ERI1: variants seen among roughly 807,000 people sequenced by gnomAD.
ERI1 encodes the protein 3'-5' exoribonuclease 1.
Under a neutral mutation model 39.7 loss-of-function variants are expected in ERI1, and 39 were observed. That is an observed-to-expected ratio of 0.98 (90% confidence interval 0.76 to 1.28). ERI1 has a LOEUF of 1.28. Ranked by LOEUF, ERI1 falls within the 50% of genes most tolerant of loss-of-function variation. The probability of loss-of-function intolerance (pLI) is 0.00; values close to 1 mark genes in which losing one functional copy is unlikely to be tolerated. For synonymous variants in ERI1, 204 were observed against 149.6 expected (o/e 1.36, Z -2.65); for missense variants, 581 against 416.9 (o/e 1.39, Z -3.43).
intron 4 of ERI1, 98 bp downstream of exon 4, chr8:9,016,503 C>T (rs542085599): frequency 2.0e-6 from 1 of 493,950 alleles, no homozygotes; most frequent in South Asian, 4.5e-5. Context: ...CTGTTGTGAA[C>T]AATTTAATAC....
chr8:9,004,251 C>T (rs982925056), intron 1 of ERI1: 3 of 1,206,200 alleles, frequency 2.5e-6, no homozygotes, highest in South Asian at 3.0e-5. Context: ...ACCACTCTTC[C>T]ACCTGCCTCC....
downstream of ERI1, among the ~76,000 whole-genome samples, chr8:9,034,711 C>G (rs2921383): frequency 6.6e-6 from 1 of 151,932 alleles, no homozygotes; most frequent in Non-Finnish European, 1.5e-5. Flanking sequence ...TCTAAGTGTT[C>G]AGGTGAAAGG....
chr8:9,038,947 A>G (rs899088899), intron 3 of ERI1, among the ~76,000 whole-genome samples: 1 of 152,248 alleles, frequency 6.6e-6, no homozygotes, highest in African/African-American at 2.4e-5. Flanking sequence ...TTTCCGTGAC[A>G]AAAATCACAT....
chr8:9,063,401 G>A (rs1585274233), intron 3 of ERI1, among the ~76,000 whole-genome samples: 1 of 152,288 alleles, frequency 6.6e-6, no homozygotes, highest in Non-Finnish European at 1.5e-5. Flanking sequence ...GCAGGTGGGG[G>A]AGGGCTAGTC....
At chr8:9,085,153 G>T (rs1371170090) in intron 3 of ERI1, among the ~76,000 whole-genome samples, 1 of 152,056 alleles carries the variant, frequency 6.6e-6, no homozygotes, top group Non-Finnish European at 1.5e-5. Flanking sequence ...CAGCCTGAGG[G>T]CTACATTCTG....
chr8:9,041,939 G>T (rs1034662374), intron 3 of ERI1, among the ~76,000 whole-genome samples: 10 of 152,084 alleles, frequency 6.6e-5, no homozygotes, highest in Non-Finnish European at 5.9e-5. Flanking sequence ...TCACCATGTT[G>T]GCCAGGCTAA....
intron 3 of ERI1, chr8:9,062,697 C>T (rs1431667189): frequency 6.6e-6 from 1 of 151,130 alleles, no homozygotes; most frequent in African/African-American, 2.4e-5. Context: ...CAGTGTCAGT[C>T]TACAGCCGCT....
chr8:9,029,735 G>A, intron 6 of ERI1, 57 bp from the exon 7 acceptor site: 1 of 1,587,184 alleles, frequency 6.3e-7, no homozygotes, highest in East Asian at 2.2e-5. Flanking sequence ...CTTAACTGTG[G>A]CTTATATTAC....
chr8:9,059,958 G>A (rs907013785), intron 3 of ERI1, among the ~76,000 whole-genome samples: 2 of 152,184 alleles, frequency 1.3e-5, no homozygotes, highest in African/African-American at 4.8e-5. Context: ...CGTCCATACA[G>A]GAGCTCAAAT....
intron 6 of ERI1, among the ~76,000 whole-genome samples, chr8:9,026,251 C>G (rs1482074121): frequency 6.6e-6 from 1 of 152,146 alleles, no homozygotes; most frequent in African/African-American, 2.4e-5. Flanking sequence ...ACTTGTTGTT[C>G]ACTTAAAAAT....
At chr8:9,008,599 C>G (rs964469905) in intron 2 of ERI1, among the ~76,000 whole-genome samples, 1 of 152,102 alleles carries the variant, frequency 6.6e-6, no homozygotes, top group African/African-American at 2.4e-5. Context: ...AAAAAATAAT[C>G]TACAATGATC....
At chr8:9,043,109 C>T (rs999777419) in intron 3 of ERI1, among the ~76,000 whole-genome samples, 2 of 152,210 alleles carry the variant, frequency 1.3e-5, no homozygotes, top group African/African-American at 4.8e-5. Flanking sequence ...CCATGCTTGA[C>T]TGTGGAAGGG....
chr8:9,095,660 ACAGGCACATGCCACCATGCCGAG>A, intron 3 of ERI1, among the ~76,000 whole-genome samples: 1 of 152,190 alleles, frequency 6.6e-6, no homozygotes, highest in South Asian at 2.1e-4. Flanking sequence ...AGCTGGGACT[ACAGGCACATGCCACCATGCCGAG>A]CTAATTTTTG....
chr8:9,070,194 G>A (rs184050541), intron 3 of ERI1, among the ~76,000 whole-genome samples: 23 of 151,544 alleles, frequency 1.5e-4, no homozygotes, highest in Middle Eastern at 3.4e-3. Context: ...AGCTGAGATT[G>A]CACCACTGCA....
intron 3 of ERI1, among the ~76,000 whole-genome samples, chr8:9,013,672 C>T (rs565765899): frequency 6.6e-6 from 1 of 152,254 alleles, no homozygotes; most frequent in Non-Finnish European, 1.5e-5. Context: ...TATTTGAAAT[C>T]TCTGCTTAAG....
chr8:9,096,734 T>TG (rs1799889144), intron 3 of ERI1: 6 of 121,674 alleles, frequency 4.9e-5, no homozygotes, highest in Non-Finnish European at 7.0e-5. Flanking sequence ...TTTTTTTTTT[T>TG]CTTTTCAGAC....
intron 3 of ERI1, among the ~76,000 whole-genome samples, chr8:9,098,133 C>G (rs1015565030): frequency 5.3e-5 from 8 of 152,186 alleles, no homozygotes; most frequent in Non-Finnish European, 1.0e-4. Context: ...CCTGTAATTC[C>G]AGCACTTTGG....
intron 1 of ERI1, among the ~76,000 whole-genome samples, chr8:9,004,949 A>C (rs1037555791): frequency 6.6e-6 from 1 of 152,084 alleles, no homozygotes; most frequent in African/African-American, 2.4e-5. Flanking sequence ...CGGCCTCCCA[A>C]AGTGCTGGGA....
At chr8:9,005,707 C>A (rs1003896118) in intron 1 of ERI1, among the ~76,000 whole-genome samples, 7 of 151,254 alleles carry the variant, frequency 4.6e-5, no homozygotes, top group African/African-American at 1.7e-4. Flanking sequence ...GGGGTTTCAC[C>A]GTGGTCTCTA....
Sources: allele counts gnomAD v4.1 joint callset (sites outside exome capture counted in the v4.1 genomes callset), GRCh38; gene constraint gnomAD v4.1.1; transcripts MANE v1.5; gene names NCBI Gene and HGNC (gene_info 2026-07-23, HGNC 2026-07-21).